The following C4orf51 variants were observed in gnomAD, a reference collection of about 807,000 sequenced individuals.
C4orf51 encodes uncharacterized protein C4orf51.
Under a neutral mutation model 25.2 loss-of-function variants are expected in C4orf51, and 25 were observed. That is an observed-to-expected ratio of 0.99 (90% CI 0.72 to 1.39). C4orf51 has a LOEUF of 1.39. Ranked by LOEUF, C4orf51 falls within the 40% of genes most tolerant of loss-of-function variation. The pLI, the probability that C4orf51 is intolerant of heterozygous loss-of-function variation, is 0.00. For missense variants in C4orf51, 252 were observed against 239.6 expected (o/e 1.05, Z -0.34); for synonymous variants, 100 against 84.5 (o/e 1.18, Z -1.01).
rs1219090997 is a variant in C4orf51, at chr4:145,680,186, G to C, written c.-18G>C. On this transcript the variant is annotated 5_prime_UTR_variant, in exon 1 of 6. Coordinates refer to ENST00000438731, the MANE Select transcript of C4orf51 (RefSeq NM_001080531.3). ...AGAGGACTTGACAAGTTGTTTTCCA[G>C]AGAGGCCGTTCGTAGTTATGTCACA... is the stretch of plus-strand genomic sequence containing the variant. 5 of 1,570,892 alleles carry C rather than the reference G, an allele frequency of 3.2e-6. No homozygotes were observed. In the Admixed American group the frequency reaches 8.3e-5, roughly 26 times the overall value.
chr4:145,768,748 C>A (rs1287762660), intron 1 of C4orf51, among the ~76,000 whole-genome samples: 5 of 143,392 alleles, frequency 3.5e-5, no homozygotes, highest in African/African-American at 1.3e-4. Flanking sequence ...ATCCCAGCTA[C>A]TTGGGAGGGT....
At chr4:145,771,709 C>T (rs1034153632), downstream of C4orf51, among the ~76,000 whole-genome samples, 3 of 152,196 alleles carry the variant, frequency 2.0e-5, no homozygotes, top group African/African-American at 7.2e-5. Flanking sequence ...TGGAGTAACA[C>T]CAACCCATAA....
chr4:145,776,634 T>A, the C4orf51 span, among the ~76,000 whole-genome samples: 1 of 151,994 alleles, frequency 6.6e-6, no homozygotes, highest in Non-Finnish European at 1.5e-5. Context: ...GTGTACCCCA[T>A]GTGTCAGTCA....
At chr4:145,751,548 A>G (rs980659122) in intron 1 of C4orf51, among the ~76,000 whole-genome samples, 1 of 152,182 alleles carries the variant, frequency 6.6e-6, no homozygotes, top group Non-Finnish European at 1.5e-5. Context: ...TAAGCAACCC[A>G]TCGCACTACC....
chr4:145,689,332 A>G (rs1376612755), intron 1 of C4orf51, among the ~76,000 whole-genome samples: 1 of 152,168 alleles, frequency 6.6e-6, no homozygotes, highest in East Asian at 1.9e-4. Flanking sequence ...AGGGCATATA[A>G]AAAGGCAAGC....
chr4:145,791,019 T>G, the C4orf51 span, among the ~76,000 whole-genome samples: 1 of 152,226 alleles, frequency 6.6e-6, no homozygotes, highest in South Asian at 2.1e-4. Context: ...AGTTTCTGTT[T>G]GTTGGTTTAT....
At chr4:145,766,857 T>G (rs1028656784) in intron 1 of C4orf51, among the ~76,000 whole-genome samples, 5 of 152,178 alleles carry the variant, frequency 3.3e-5, no homozygotes, top group Non-Finnish European at 5.9e-5. Context: ...CTCTTAGTAG[T>G]GGGTTAAACC....
At chr4:145,781,016 G>T in the C4orf51 span, among the ~76,000 whole-genome samples, 1 of 151,990 alleles carries the variant, frequency 6.6e-6, no homozygotes, top group Non-Finnish European at 1.5e-5. Flanking sequence ...CTAACACGGT[G>T]AAACACTGTC....
intron 3 of C4orf51, among the ~76,000 whole-genome samples, chr4:145,728,883 T>A (rs1732260717): frequency 6.6e-6 from 1 of 152,164 alleles, no homozygotes. Context: ...ATTTTACTGT[T>A]ATTGTTTGTT....
At chr4:145,766,045 T>G (rs567460637) in intron 1 of C4orf51, among the ~76,000 whole-genome samples, 18 of 152,358 alleles carry the variant, frequency 1.2e-4, no homozygotes, top group African/African-American at 4.3e-4. Flanking sequence ...GGAACTGTAT[T>G]ATACTTTAAA....
chr4:145,690,605 A>T (rs562036466), intron 1 of C4orf51, among the ~76,000 whole-genome samples: 43 of 152,278 alleles, frequency 2.8e-4, no homozygotes, highest in African/African-American at 1.0e-3. Context: ...CTCAAAAGCA[A>T]ACACAACAAA....
intron 1 of C4orf51, among the ~76,000 whole-genome samples, chr4:145,686,097 A>T (rs955114836): frequency 4.6e-5 from 7 of 152,236 alleles, no homozygotes; most frequent in Non-Finnish European, 5.9e-5. Flanking sequence ...AAAGGAATGC[A>T]ATTCTGACAC....
At chr4:145,702,215 G>A (rs1730494040) in intron 2 of C4orf51, among the ~76,000 whole-genome samples, 1 of 152,008 alleles carries the variant, frequency 6.6e-6, no homozygotes, top group Non-Finnish European at 1.5e-5. Flanking sequence ...AGGCTTACAA[G>A]TTAGTTCAGA....
At chr4:145,721,861 A>G (rs1731758320) in intron 2 of C4orf51, among the ~76,000 whole-genome samples, 1 of 152,232 alleles carries the variant, frequency 6.6e-6, no homozygotes, top group African/African-American at 2.4e-5. Context: ...GTGTCTGCCT[A>G]TGAGATGGGC....
downstream of C4orf51, among the ~76,000 whole-genome samples, chr4:145,756,010 C>G (rs933897804): frequency 1.9e-4 from 29 of 152,216 alleles, no homozygotes; most frequent in African/African-American, 6.8e-4. Flanking sequence ...TCTCACTAAG[C>G]ACCTCTTGGC....
chr4:145,703,166 C>T (rs1279043187), intron 2 of C4orf51, among the ~76,000 whole-genome samples: 1 of 151,298 alleles, frequency 6.6e-6, no homozygotes, highest in South Asian at 2.1e-4. Flanking sequence ...ATATGCCCTG[C>T]CCCACCTTAA....
chr4:145,713,971 C>T lies in C4orf51; in HGVS notation c.308-12940C>T, dbSNP rs182637527. On this transcript the variant is annotated intron_variant, in intron 2 of 5. Transcript: ENST00000438731. ...CCAATTTTTGTATTTTTAGTAGAGA[C>T]GGAGTTTCACTATGTTGGCTAGGCT... Among the ~76,000 whole-genome samples the T allele has an allele frequency of 2.8e-3, 427 of 152,066 alleles. 1 individual carries two copies. The highest frequency in any genetic ancestry group is 3.4e-3 in the Middle Eastern group (1 of 294).
intron 2 of C4orf51, among the ~76,000 whole-genome samples, chr4:145,701,573 G>A (rs568656797): frequency 4.0e-5 from 6 of 151,624 alleles, no homozygotes; most frequent in South Asian, 2.1e-4. Flanking sequence ...GATGCTGCCC[G>A]ATCGCCTCAG....
chr4:145,765,408 A>G lies in C4orf51; in HGVS notation n.167-5580A>G. 1.8e-6 allele frequency: 2 copies of G among 1,140,236 alleles called. No homozygotes were observed. Among genetic ancestry groups the G allele is most frequent in the Non-Finnish European group, 2.4e-6 (2 of 822,168 alleles). The allele number at this position is 1,140,236 out of a possible 1,614,324, so 70.6% of individuals were successfully genotyped here. A position where few individuals can be genotyped will look rare whatever the true frequency, so the allele number is the denominator to read the frequency against. ...TTCAAATTAAGCCAAAAGAAATACA[A>G]CCTTTAGGTGAGGCCCAGCATACTG... On this transcript the variant is annotated intron_variant and non_coding_transcript_variant, in intron 1 of 1. Coordinates refer to the C4orf51 transcript ENST00000510096. This position sits in a 1 kb window ranked among gnomAD's most constrained non-coding sequence, Gnocchi z 4.7.
Sources: gnomAD v4.1 joint callset for allele counts (sites outside exome capture counted in the v4.1 genomes callset) on GRCh38, gnomAD v4.1.1 for gene constraint, Gnocchi (gnomAD v3.1) non-coding constraint, MANE v1.5 for transcripts, NCBI Gene and HGNC (gene_info 2026-07-23, HGNC 2026-07-21) for gene names.